DISC1: variants seen among roughly 807,000 people sequenced by gnomAD.
The protein encoded by DISC1 is DISC1 scaffold protein.
Under a neutral mutation model 84.5 loss-of-function variants are expected in DISC1, and 57 were observed. The observed-to-expected ratio is 0.67, with a 90% CI of 0.55 to 0.84. The LOEUF is 0.84. DISC1 is among the 40% of genes least tolerant of loss of function. DISC1 has a pLI of 0.00. For synonymous variants in DISC1, 411 were observed against 415.2 expected, an observed-to-expected ratio of 0.99 and a Z score of 0.12; for missense variants, 1,000 against 1,057.8, an observed-to-expected ratio of 0.95 and a Z score of 0.76.
intron 3 of DISC1, among the ~76,000 whole-genome samples, chr1:231,708,963 C>T (rs923454829): frequency 3.3e-5 from 5 of 152,156 alleles, no homozygotes; most frequent in African/African-American, 9.7e-5. Context: ...GCATTGTTCT[C>T]AGAAGAGCAT....
intron 9 of DISC1, among the ~76,000 whole-genome samples, chr1:231,872,566 C>G (rs2085545779): frequency 6.6e-6 from 1 of 152,016 alleles, no homozygotes; most frequent in Admixed American, 6.6e-5. Context: ...GTAGCTGTTT[C>G]CTAGACTTCT....
chr1:232,025,016 A>G (rs549094555), intron 11 of DISC1, among the ~76,000 whole-genome samples: 3 of 152,194 alleles, frequency 2.0e-5, no homozygotes, highest in East Asian at 3.9e-4. Flanking sequence ...AAGAATCTCT[A>G]TCTTCTGTTC....
At chr1:231,668,235 A>G (rs1487554429) in intron 1 of DISC1, among the ~76,000 whole-genome samples, 2 of 152,296 alleles carry the variant, frequency 1.3e-5, no homozygotes, top group East Asian at 1.9e-4. Flanking sequence ...TGGTGAAAGC[A>G]TATAACATAA....
intron 1 of DISC1, among the ~76,000 whole-genome samples, chr1:231,633,512 A>G (rs149955202): frequency 2.6e-5 from 4 of 152,256 alleles, no homozygotes; most frequent in Non-Finnish European, 4.4e-5. Flanking sequence ...TAAATTTCCT[A>G]TTCCCTGCTC....
At position 231,626,890 on chromosome 1, in the gene DISC1, G is replaced by A. The variant is rs1398679581; in HGVS notation, c.23G>A (p.Gly8Asp). The change falls in exon 1 of 13, where the codon GGC (glycine) becomes GAC (aspartate). Residue 8 changes from glycine (G) to aspartate (D), a missense_variant. Gly to Asp is a moderately conservative substitution (Grantham distance 94, BLOSUM62 -1). Around this residue, in one of 3 missense-constraint regions of DISC1, gnomAD observed 292 missense variants for 280.2 expected, o/e 1.04. Transcript: ENST00000439617. MPGGGPQ[G>D]APAAAGGGGV... Reference sequence around the variant, plus strand: ...CGCATGCCAGGCGGGGGTCCTCAGGGCGCCCCAGCCGCCGCCGGCGGCGGC... The same window carrying A: ...CGCATGCCAGGCGGGGGTCCTCAGGACGCCCCAGCCGCCGCCGGCGGCGGC... 6 of 1,498,374 alleles carry A rather than the reference G, an allele frequency of 4.0e-6. No homozygotes were observed. The highest frequency in any genetic ancestry group is 4.7e-4 in the Middle Eastern group (2 of 4,274). The allele number at this position is 1,498,374 out of a possible 1,614,324, so 92.8% of individuals were successfully genotyped here. A position where few individuals can be genotyped will look rare whatever the true frequency, so the allele number is the denominator to read the frequency against.
chr1:231,988,512 C>T (rs1387835394), intron 10 of DISC1, among the ~76,000 whole-genome samples: 6 of 152,286 alleles, frequency 3.9e-5, no homozygotes, highest in East Asian at 1.9e-4. Context: ...GGAGCCCTCA[C>T]GAGTGCTGAT....
chr1:231,817,859 C>T (rs950341432), intron 8 of DISC1, among the ~76,000 whole-genome samples: 2 of 152,240 alleles, frequency 1.3e-5, no homozygotes, highest in East Asian at 1.9e-4. Context: ...AAATTTGCCC[C>T]AGATGTGCTA....
At chr1:231,819,672 G>A (rs565249374) in intron 9 of DISC1, among the ~76,000 whole-genome samples, 11 of 152,080 alleles carry the variant, frequency 7.2e-5, no homozygotes, top group Admixed American at 2.0e-4. Flanking sequence ...ATGACAACAC[G>A]CTCACCCAAG....
chr1:231,757,152 T>G (rs1431748221), intron 4 of DISC1, among the ~76,000 whole-genome samples: 2 of 152,212 alleles, frequency 1.3e-5, no homozygotes, highest in Non-Finnish European at 2.9e-5. Context: ...ATAACTCAAA[T>G]AAGTGCCTGC....
intron 11 of DISC1, among the ~76,000 whole-genome samples, chr1:232,020,659 G>A (rs1024219894): frequency 1.3e-5 from 2 of 152,118 alleles, no homozygotes; most frequent in Non-Finnish European, 2.9e-5. Context: ...CACTATTTTG[G>A]CTTAAACAGA....
chr1:231,923,307 C>CAAAAAAAAAAA (rs1461560372), intron 9 of DISC1, among the ~76,000 whole-genome samples: 3 of 138,552 alleles, frequency 2.2e-5, no homozygotes, highest in African/African-American at 5.5e-5. Context: ...CAAAAAAAAC[C>CAAAAAAAAAAA]AAAAAAAAAA....
chr1:231,752,497 C>T (rs1234545400), intron 4 of DISC1, among the ~76,000 whole-genome samples: 1 of 152,122 alleles, frequency 6.6e-6, no homozygotes, highest in East Asian at 1.9e-4. Flanking sequence ...CATGAAGTAT[C>T]CACCCCCATG....
At chr1:231,798,113 C>CACACACA (rs1553353422) in intron 7 of DISC1, among the ~76,000 whole-genome samples, 1 of 147,074 alleles carries the variant, frequency 6.8e-6, no homozygotes. Context: ...GTTAGACACA[C>CACACACA]CACACACACA....
intron 8 of DISC1, 65 bp downstream of exon 8, chr1:231,800,275 G>A (rs1329761671): frequency 4.9e-6 from 6 of 1,235,588 alleles, no homozygotes; most frequent in East Asian, 2.3e-5. Flanking sequence ...CCAGCACATC[G>A]TGTTTTGTCC....
chr1:231,773,461 T>C (rs2076709148), intron 6 of DISC1, among the ~76,000 whole-genome samples: 1 of 152,206 alleles, frequency 6.6e-6, no homozygotes, highest in South Asian at 2.1e-4. Context: ...CTCGGCTCAC[T>C]GCAACCTCCG....
chr1:231,922,678 C>T (rs821720), intron 9 of DISC1, among the ~76,000 whole-genome samples: 126,022 of 151,670 alleles, frequency 0.83, 52,514 homozygotes, highest in East Asian at 0.91. Context: ...GCCCTCCAGG[C>T]CAGCCAGGAT....
At chr1:231,793,746 A>C (rs967679294) in intron 6 of DISC1, among the ~76,000 whole-genome samples, 2 of 152,206 alleles carry the variant, frequency 1.3e-5, no homozygotes, top group African/African-American at 4.8e-5. Context: ...TGCTTGAGGG[A>C]TAAAACTCAA....
chr1:231,641,029 A>C (rs553368114), intron 1 of DISC1, among the ~76,000 whole-genome samples: 106 of 152,254 alleles, frequency 7.0e-4, no homozygotes, highest in Admixed American at 1.4e-3. Context: ...TGCTGGTCTT[A>C]CAAGATGAAC....
chr1:232,036,077 G>C (rs994575044), intron 12 of DISC1, among the ~76,000 whole-genome samples: 1 of 152,144 alleles, frequency 6.6e-6, no homozygotes, highest in South Asian at 2.1e-4. Flanking sequence ...GCCCTTCCTA[G>C]TTCCTGGGAA....
Sources: gnomAD v4.1 joint callset for allele counts (sites outside exome capture counted in the v4.1 genomes callset) on GRCh38, gnomAD v4.1.1 for gene constraint, gnomAD v4.1.1 regional missense constraint, MANE v1.5 for transcripts, NCBI Gene and HGNC (gene_info 2026-07-23, HGNC 2026-07-21) for gene names.